Variants in UQCC1 observed in about 807,000 individuals in gnomAD.
The protein encoded by UQCC1 is ubiquinol-cytochrome c reductase complex assembly factor 1, also known as bFGF-repressed Zic-binding protein.
Under a neutral mutation model 48.0 loss-of-function variants are expected in UQCC1, and 38 were observed. The observed-to-expected ratio is 0.79, with a 90% CI of 0.61 to 1.04. The LOEUF (loss-of-function observed/expected upper bound fraction) is 1.04. UQCC1 is among the 50% of genes least tolerant of loss of function. UQCC1 has a pLI of 0.00. For missense variants in UQCC1, 368 were observed against 381.8 expected (o/e 0.96, Z 0.30); for synonymous variants, 111 against 129.2 (o/e 0.86, Z 0.95).
At chr20:35,409,321 T>A (rs566335650) in intron 1 of UQCC1, 1 of 152,304 alleles carries the variant, frequency 6.6e-6, no homozygotes, top group African/African-American at 2.4e-5. Flanking sequence ...ATACAAAAAA[T>A]TAGCTGAACG....
At chr20:35,343,240 A>C (rs1031788123) in intron 7 of UQCC1, among the ~76,000 whole-genome samples, 10 of 151,582 alleles carry the variant, frequency 6.6e-5, no homozygotes, top group African/African-American at 2.4e-4. Context: ...CAAACCATAG[A>C]TTTTCAAGCT....
intron 5 of UQCC1, among the ~76,000 whole-genome samples, chr20:35,369,059 A>G (rs570620345): frequency 6.6e-6 from 1 of 152,332 alleles, no homozygotes; most frequent in East Asian, 1.9e-4. Flanking sequence ...CTAAAGGACA[A>G]TCTGTTCAAT....
At chr20:35,386,652 T>C (rs1410392658) in intron 2 of UQCC1, among the ~76,000 whole-genome samples, 1 of 152,184 alleles carries the variant, frequency 6.6e-6, no homozygotes, top group Non-Finnish European at 1.5e-5. Context: ...AACAGCAGTT[T>C]CCACAAGCTG....
intron 2 of UQCC1, among the ~76,000 whole-genome samples, chr20:35,389,507 G>A (rs2061988162): frequency 2.0e-5 from 3 of 151,912 alleles, no homozygotes; most frequent in Admixed American, 2.0e-4. Flanking sequence ...AGGTTGCAGT[G>A]AGCCAAGATC....
chr20:35,350,733 T>G, intron 6 of UQCC1, among the ~76,000 whole-genome samples: 1 of 146,202 alleles, frequency 6.8e-6, no homozygotes, highest in East Asian at 2.1e-4. Context: ...CCAAATGAGA[T>G]TTACTGATGT....
chr20:35,407,991 C>G (rs2062278175), intron 1 of UQCC1, among the ~76,000 whole-genome samples: 1 of 152,148 alleles, frequency 6.6e-6, no homozygotes, highest in Non-Finnish European at 1.5e-5. Flanking sequence ...CATTGCACTC[C>G]AGCCTGGGCA....
chr20:35,388,137 C>T (rs765171260), intron 2 of UQCC1, among the ~76,000 whole-genome samples: 9 of 151,744 alleles, frequency 5.9e-5, no homozygotes, highest in Middle Eastern at 3.4e-3. Flanking sequence ...TGTGCCACCA[C>T]GCCAGCTAAT....
chr20:35,398,134 C>T (rs532139502), intron 1 of UQCC1, among the ~76,000 whole-genome samples: 1 of 152,156 alleles, frequency 6.6e-6, no homozygotes, highest in East Asian at 1.9e-4. Context: ...AGAATCCTTG[C>T]TCATTTATGG....
At chr20:35,402,964 G>A (rs1303436188) in intron 1 of UQCC1, among the ~76,000 whole-genome samples, 3 of 152,004 alleles carry the variant, frequency 2.0e-5, no homozygotes, top group Non-Finnish European at 4.4e-5. Context: ...CTACTTGGGA[G>A]GCTGAGGCAG....
intron 6 of UQCC1, among the ~76,000 whole-genome samples, chr20:35,352,370 G>A (rs1411765460): frequency 6.6e-6 from 1 of 152,208 alleles, no homozygotes; most frequent in Non-Finnish European, 1.5e-5. Context: ...TATGGACTTT[G>A]CTCAGCAGAG....
intron 1 of UQCC1, among the ~76,000 whole-genome samples, chr20:35,398,309 G>T (rs768188992): frequency 1.1e-4 from 16 of 152,302 alleles, no homozygotes; most frequent in Admixed American, 5.9e-4. Context: ...AGCCTTGGTT[G>T]TCTCTTTTTA....
At chr20:35,409,472 GA>G (rs76230585) in intron 1 of UQCC1, 2,849 of 125,736 alleles carry the variant, frequency 0.023, 4 homozygotes, top group South Asian at 0.068. Flanking sequence ...CTCCGTCTCA[GA>G]AAAAAAAAAA....
chr20:35,309,903 T>C (rs535862952), intron 8 of UQCC1, among the ~76,000 whole-genome samples: 12 of 152,316 alleles, frequency 7.9e-5, no homozygotes, highest in African/African-American at 2.6e-4. Context: ...ACAAAATCAG[T>C]GCACATCTAA....
chr20:35,313,373 C>CT (rs1555801868), intron 8 of UQCC1, among the ~76,000 whole-genome samples: 1 of 62,696 alleles, frequency 1.6e-5, no homozygotes, highest in African/African-American at 6.4e-5. Context: ...AAGACTCTGT[C>CT]TAAAAAAAAA....
intron 2 of UQCC1, among the ~76,000 whole-genome samples, chr20:35,390,375 T>C (rs1377486045): frequency 6.6e-6 from 1 of 150,830 alleles, no homozygotes; most frequent in Non-Finnish European, 1.5e-5. Context: ...TGAGCTGAGA[T>C]TGCACCACTG....
intron 7 of UQCC1, among the ~76,000 whole-genome samples, chr20:35,328,357 C>CT (rs2061220067): frequency 6.6e-6 from 1 of 152,106 alleles, no homozygotes; most frequent in Admixed American, 6.5e-5. Context: ...TTCCTTTTTC[C>CT]TTTTCATATT....
At chr20:35,394,285 A>C in intron 1 of UQCC1, 89 bp from the exon 2 acceptor site, 1 of 1,146,918 alleles carries the variant, frequency 8.7e-7, no homozygotes, top group Non-Finnish European at 1.3e-6. Flanking sequence ...CTGTAATATA[A>C]TTAGAAATAT....
intron 1 of UQCC1, among the ~76,000 whole-genome samples, chr20:35,397,704 T>G (rs2062103385): frequency 6.6e-6 from 1 of 151,996 alleles, no homozygotes; most frequent in South Asian, 2.1e-4. Context: ...TATATATAGG[T>G]TATATGCAAA....
intron 6 of UQCC1, among the ~76,000 whole-genome samples, chr20:35,365,000 T>C (rs1034955999): frequency 3.9e-5 from 6 of 152,094 alleles, no homozygotes; most frequent in African/African-American, 1.4e-4. Flanking sequence ...AGTCCTCCTC[T>C]CCTAAAAAAG....
Sources: allele counts gnomAD v4.1 joint callset (sites outside exome capture counted in the v4.1 genomes callset), GRCh38; gene constraint gnomAD v4.1.1; transcripts MANE v1.5; gene names NCBI Gene and HGNC (gene_info 2026-07-23, HGNC 2026-07-21).